CDH12: variants seen among roughly 807,000 people sequenced by gnomAD.
CDH12 encodes cadherin-12.
CDH12 carries 41 observed loss-of-function variants against 74.1 expected under a neutral mutation model. The ratio of observed to expected loss-of-function variants is 0.55; its 90% CI spans 0.43 to 0.72. The LOEUF (loss-of-function observed/expected upper bound fraction) is 0.72. CDH12 is among the 30% of genes least tolerant of loss of function. The probability of loss-of-function intolerance (pLI) is 0.00; values close to 1 mark genes in which losing one functional copy is unlikely to be tolerated. For synonymous variants in CDH12, 399 were observed against 355.0 expected, an observed-to-expected ratio of 1.12 and a Z score of -1.39; for missense variants, 945 against 977.2, an observed-to-expected ratio of 0.97 and a Z score of 0.44.
At chr5:22,652,566 C>T (rs185259251) in intron 1 of CDH12, among the ~76,000 whole-genome samples, 61 of 152,186 alleles carry the variant, frequency 4.0e-4, no homozygotes, top group Non-Finnish European at 7.4e-4. Context: ...TCATTTTGGC[C>T]TTAACCCCTA....
intron 2 of CDH12, among the ~76,000 whole-genome samples, chr5:22,410,076 G>C (rs762197470): frequency 6.6e-6 from 1 of 152,032 alleles, no homozygotes; most frequent in African/African-American, 2.4e-5. Flanking sequence ...AAAATGACAG[G>C]ATAAAAAGCC....
intron 1 of CDH12, among the ~76,000 whole-genome samples, chr5:22,533,351 T>C (rs560694577): frequency 6.6e-6 from 1 of 152,332 alleles, no homozygotes; most frequent in African/African-American, 2.4e-5. Flanking sequence ...TTCTCACAAG[T>C]CTTCTTTCTG....
chr5:22,243,039 T>C (rs1029369146), intron 3 of CDH12, among the ~76,000 whole-genome samples: 9 of 152,180 alleles, frequency 5.9e-5, no homozygotes, highest in African/African-American at 2.2e-4. Flanking sequence ...TTGTTAAACT[T>C]GTATTTCCTG....
At chr5:22,404,938 AGT>A (rs1179567206) in intron 3 of CDH12, among the ~76,000 whole-genome samples, 4 of 152,214 alleles carry the variant, frequency 2.6e-5, no homozygotes, top group Admixed American at 6.5e-5. Flanking sequence ...AACTGGGCAC[AGT>A]GGCTCACGCC....
intron 6 of CDH12, among the ~76,000 whole-genome samples, chr5:21,934,143 C>T (rs1260329871): frequency 1.3e-5 from 2 of 152,090 alleles, no homozygotes; most frequent in African/African-American, 4.8e-5. Context: ...CACACACACA[C>T]ATTTAAGTGG....
At chr5:22,723,098 A>G (rs1174219686) in intron 1 of CDH12, among the ~76,000 whole-genome samples, 2 of 152,176 alleles carry the variant, frequency 1.3e-5, no homozygotes, top group Admixed American at 6.6e-5. Flanking sequence ...AAAAAATGTA[A>G]TTGCTAATTC....
intron 1 of CDH12, among the ~76,000 whole-genome samples, chr5:22,620,642 C>T (rs957757651): frequency 6.6e-6 from 1 of 151,754 alleles, no homozygotes; most frequent in African/African-American, 2.4e-5. Context: ...CTGTATATGC[C>T]CAGTAGATCA....
intron 5 of CDH12, among the ~76,000 whole-genome samples, chr5:22,069,305 C>T (rs1421824327): frequency 1.3e-5 from 2 of 152,084 alleles, no homozygotes; most frequent in Admixed American, 6.6e-5. Context: ...TGTGAAGCCT[C>T]AGTTACAGTG....
chr5:21,886,099 C>T (rs1264633075), intron 6 of CDH12, among the ~76,000 whole-genome samples: 2 of 152,174 alleles, frequency 1.3e-5, no homozygotes, highest in Non-Finnish European at 2.9e-5. Flanking sequence ...CCATTTACTT[C>T]TAGCAACTGT....
intron 6 of CDH12, among the ~76,000 whole-genome samples, chr5:21,872,766 T>G (rs1751693053): frequency 6.6e-6 from 1 of 151,646 alleles, no homozygotes; most frequent in African/African-American, 2.4e-5. Flanking sequence ...CAGATGCCTC[T>G]GCCATGTTAA....
intron 3 of CDH12, among the ~76,000 whole-genome samples, chr5:22,390,283 C>T (rs1742184423): frequency 6.6e-6 from 1 of 152,068 alleles, no homozygotes; most frequent in South Asian, 2.1e-4. Context: ...AAATTAAAGC[C>T]CGTGTGAGCT....
chr5:22,079,400 C>T (rs372544835), intron 4 of CDH12, among the ~76,000 whole-genome samples: 21 of 151,910 alleles, frequency 1.4e-4, no homozygotes, highest in Non-Finnish European at 2.8e-4. Flanking sequence ...AAATTAAGAA[C>T]CACAATGTAG....
chr5:21,761,736 GATAGAT>G (rs1425903459), intron 12 of CDH12, among the ~76,000 whole-genome samples: 1 of 106,728 alleles, frequency 9.4e-6, no homozygotes, highest in East Asian at 2.3e-4. Context: ...TGGATGGATG[GATAGAT>G]ATAGATAGAT....
At position 22,674,471 on chromosome 5, in the gene CDH12, C is replaced by T. The variant is rs187999756; in HGVS notation, c.-522-169107G>A. ...TTCTTTTGTAAATTGCCCAGTCTCA[C>T]GTATGTCTTTATCAGCAGCATGAAA... On this transcript the variant is annotated intron_variant, in intron 1 of 14. Transcript: ENST00000382254. 9.7e-4 allele frequency among the ~76,000 whole-genome samples: 147 copies of T among 152,134 alleles called. 1 individual carries two copies. The East Asian group carries it at 0.021, about 22-fold the overall frequency.
chr5:22,526,618 T>A (rs916332821), intron 1 of CDH12, among the ~76,000 whole-genome samples: 1 of 152,174 alleles, frequency 6.6e-6, no homozygotes. Context: ...CTGGTTAAGC[T>A]TATGATACTC....
At chr5:22,339,019 G>A (rs1268605764) in intron 3 of CDH12, among the ~76,000 whole-genome samples, 1 of 152,154 alleles carries the variant, frequency 6.6e-6, no homozygotes, top group Non-Finnish European at 1.5e-5. Context: ...AGGACTTAGA[G>A]TTCTATAAAG....
At chr5:22,559,987 G>A (rs1738968791) in intron 1 of CDH12, among the ~76,000 whole-genome samples, 1 of 152,086 alleles carries the variant, frequency 6.6e-6, no homozygotes, top group Admixed American at 6.6e-5. Flanking sequence ...TGGAGCCTTT[G>A]AGATTTTACT....
At chr5:21,816,393 G>A (rs975108553) in intron 9 of CDH12, among the ~76,000 whole-genome samples, 8 of 151,834 alleles carry the variant, frequency 5.3e-5, no homozygotes, top group Admixed American at 4.6e-4. Context: ...TTGGGAGGCC[G>A]AGGCAGGTGG....
intron 4 of CDH12, among the ~76,000 whole-genome samples, chr5:22,107,480 G>GTATGTATATATACACA (rs1554010917): frequency 3.4e-5 from 5 of 146,272 alleles, no homozygotes; most frequent in Non-Finnish European, 6.0e-5. Flanking sequence ...ATATACATAC[G>GTATGTATATATACACA]TATGTATATA....
Sources: allele counts gnomAD v4.1 joint callset (sites outside exome capture counted in the v4.1 genomes callset), GRCh38; gene constraint gnomAD v4.1.1; transcripts MANE v1.5; gene names NCBI Gene and HGNC (gene_info 2026-07-23, HGNC 2026-07-21).